Variants in ACTN1 observed in about 807,000 individuals in gnomAD.
ACTN1 encodes alpha-actinin-1.
ACTN1 carries 30 observed loss-of-function variants against 119.6 expected under a neutral mutation model. The ratio of observed to expected loss-of-function variants is 0.25; its 90% CI spans 0.19 to 0.34. The LOEUF (loss-of-function observed/expected upper bound fraction) is 0.34, where lower values mean the gene tolerates loss of function less well. ACTN1 is among the 10% of genes least tolerant of loss of function. The pLI is 1.00. For synonymous variants in ACTN1, 429 were observed against 472.6 expected, an observed-to-expected ratio of 0.91 and a Z score of 1.20; for missense variants, 764 against 1,223.4, an observed-to-expected ratio of 0.62 and a Z score of 5.60.
At chr14:68,892,029 C>T (rs2032527866) in intron 10 of ACTN1, 24 bp downstream of exon 10, 5 of 1,610,140 alleles carry the variant, frequency 3.1e-6, no homozygotes, top group Non-Finnish European at 3.4e-6. Flanking sequence ...AGTCTGGGGG[C>T]CCAGGCTCAC....
At chr14:68,926,465 C>T (rs537214603) in intron 1 of ACTN1, among the ~76,000 whole-genome samples, 2 of 152,194 alleles carry the variant, frequency 1.3e-5, no homozygotes, top group African/African-American at 2.4e-5. Flanking sequence ...AAGCATGCAT[C>T]GCAGTTTTAC....
intron 1 of ACTN1, among the ~76,000 whole-genome samples, chr14:68,968,096 G>A (rs1051463743): frequency 1.3e-5 from 2 of 152,332 alleles, no homozygotes; most frequent in African/African-American, 4.8e-5. Context: ...CAGGAAAAGA[G>A]GGCAGCAGGC....
rs567977536 is a variant in ACTN1 at position 68,976,468 on chromosome 14, T to C, written c.105+2484A>G. On this transcript the variant is annotated intron_variant, in intron 1 of 21. Transcript: ENST00000394419. The stretch of plus-strand genomic sequence containing the variant: ...TGAGAACTAGGCAGGCCAGAAATTC[T>C]GCAGACTGAGGCCCACGAAAGATAA... Among the ~76,000 whole-genome samples, 4 of 152,340 alleles carry C rather than the reference T, an allele frequency of 2.6e-5. No homozygotes were observed. In the East Asian group the frequency reaches 5.8e-4, roughly 22 times the overall value.
At chr14:68,915,444 A>AGG (rs2034238562) in intron 3 of ACTN1, among the ~76,000 whole-genome samples, 2 of 152,196 alleles carry the variant, frequency 1.3e-5, no homozygotes, top group African/African-American at 4.8e-5. Flanking sequence ...TCCATCTGAC[A>AGG]GGTGTACATG....
rs2031873370 is a variant in ACTN1, at chr14:68,885,003, T to G, written c.1386-120A>C. 1 of 772,684 alleles carries G rather than the reference T, an allele frequency of 1.3e-6. No individual in the cohort carries two copies. 47.9% of individuals were successfully genotyped at this position (772,684 alleles called of 1,614,324 possible). ...GCTGGGAAGAGCCAGGGGCGCTCCC[T>G]TCAAGAGACCTTCCAGGCACTCCTT... On this transcript the variant is annotated intron_variant, in intron 12 of 21. Coordinates refer to ENST00000394419, the MANE Select transcript of ACTN1 (RefSeq NM_001130004.2). This position sits in a 1 kb window ranked among gnomAD's most constrained non-coding sequence, Gnocchi z 5.6.
chr14:68,909,448 C>T lies in ACTN1; in HGVS notation c.516-52G>A, dbSNP rs17106536. On this transcript the variant is annotated intron_variant, in intron 5 of 21. Transcript: ENST00000394419. This position sits in a 1 kb window ranked among gnomAD's most constrained non-coding sequence, Gnocchi z 4.1. ...AGGCTGGTAAATGAGGCTGAACAAACGGGCAACCAGGGCAAAGCAGGGGCC... is the reference window on the plus strand; with the variant it reads ...AGGCTGGTAAATGAGGCTGAACAAATGGGCAACCAGGGCAAAGCAGGGGCC... 32,576 of 1,588,596 alleles carry T rather than the reference C, an allele frequency of 0.021. 504 individuals carry two copies. Among genetic ancestry groups the T allele is most frequent in the Middle Eastern group, 0.079 (476 of 6,014 alleles).
chr14:68,976,509 G>A (rs1379187990), intron 1 of ACTN1, among the ~76,000 whole-genome samples: 1 of 152,198 alleles, frequency 6.6e-6, no homozygotes. Flanking sequence ...AGAATTAACA[G>A]GAAACAAACA....
At chr14:68,914,960 G>C (rs1400044209) in intron 3 of ACTN1, among the ~76,000 whole-genome samples, 1 of 152,184 alleles carries the variant, frequency 6.6e-6, no homozygotes, top group African/African-American at 2.4e-5. Context: ...CAGTTGCTCA[G>C]CTTTTTGGCA....
chr14:68,977,107 C>T (rs1278568508), intron 1 of ACTN1, among the ~76,000 whole-genome samples: 1 of 152,218 alleles, frequency 6.6e-6, no homozygotes. Flanking sequence ...CCCTCCCAGG[C>T]ACAAAGCAGG....
chr14:68,961,096 TA>T (rs1192618643), intron 1 of ACTN1, among the ~76,000 whole-genome samples: 1 of 152,134 alleles, frequency 6.6e-6, no homozygotes, highest in Non-Finnish European at 1.5e-5. Flanking sequence ...AAAACCCTGT[TA>T]TACACGAGAC....
chr14:68,889,743 C>T (rs2032324575), intron 11 of ACTN1, among the ~76,000 whole-genome samples: 1 of 152,148 alleles, frequency 6.6e-6, no homozygotes, highest in Admixed American at 6.5e-5. Context: ...GAGATTTCAC[C>T]ATTGCATTCG....
Position 68,979,079 on chromosome 14 carries a change from C to T in ACTN1, c.-23G>A. ...CATGATGGTGCGCGCGTGCTAGGGTCTGGATTTCTTCCTCCACCTTCTCTC... is the reference window on the plus strand; with the variant it reads ...CATGATGGTGCGCGCGTGCTAGGGTTTGGATTTCTTCCTCCACCTTCTCTC... On this transcript the variant is annotated 5_prime_UTR_variant, in exon 1 of 22. Coordinates refer to ENST00000394419, the MANE Select transcript of ACTN1 (RefSeq NM_001130004.2). The T allele has an allele frequency of 6.9e-7, 1 of 1,454,626 alleles. No homozygotes were observed. Among genetic ancestry groups the T allele is most frequent in the Non-Finnish European group, 9.3e-7 (1 of 1,075,134 alleles). The allele number at this position is 1,454,626 out of a possible 1,614,324, so 90.1% of individuals were successfully genotyped here.
intron 16 of ACTN1, among the ~76,000 whole-genome samples, chr14:68,881,936 CTTTTT>C (rs781067137): frequency 0.02 from 1,169 of 58,394 alleles, 65 homozygotes; most frequent in African/African-American, 0.11. Context: ...TAGGCAGCTT[CTTTTT>C]TTTTTTTTTT....
In ACTN1 at chr14:68,878,446, G is replaced by C; in HGVS notation, c.2427+12C>G. On this transcript the variant is annotated intron_variant, in intron 20 of 21. Coordinates refer to ENST00000394419, the MANE Select transcript of ACTN1 (RefSeq NM_001130004.2). This position sits in a 1 kb window ranked among gnomAD's most constrained non-coding sequence, Gnocchi z 4.4. ...TCTCACCAGGGCAGACAGAGGGTGG[G>C]GTTTACGTTACCATGTTGTAACCCA... 1 of 1,542,844 alleles carries C rather than the reference G, an allele frequency of 6.5e-7. No homozygotes were observed. Among genetic ancestry groups the C allele is most frequent in the Non-Finnish European group, 8.7e-7 (1 of 1,143,078 alleles).
chr14:68,881,022 C>T, intron 16 of ACTN1, 33 bp from the exon 17 acceptor site: 1 of 1,609,550 alleles, frequency 6.2e-7, no homozygotes, highest in Non-Finnish European at 8.5e-7. Context: ...CTTGTCAGAC[C>T]ACCTCACTCT....
intron 1 of ACTN1, among the ~76,000 whole-genome samples, chr14:68,943,943 TG>T (rs2035847481): frequency 1.3e-5 from 2 of 152,066 alleles, no homozygotes; most frequent in South Asian, 2.1e-4. Flanking sequence ...TGGGGAATGA[TG>T]GGGACTCATC....
At position 68,878,776 on chromosome 14, in the gene ACTN1, A is replaced by C. The variant is rs1292475423; in HGVS notation, c.2361+213T>G. 2 of 1,561,758 alleles carry C rather than the reference A, an allele frequency of 1.3e-6. No homozygotes were observed. Among genetic ancestry groups the C allele is most frequent in the East Asian group, 4.8e-5 (2 of 42,084 alleles). On this transcript the variant is annotated intron_variant, in intron 19 of 21. Coordinates refer to ENST00000394419, the MANE Select transcript of ACTN1 (RefSeq NM_001130004.2). This position sits in a 1 kb window ranked among gnomAD's most constrained non-coding sequence, Gnocchi z 4.4. ...TGGGATGAAGAGCAGCGAGGACGGA[A>C]GACAGCGGGCACCCAGTAGGTTGCC...
intron 1 of ACTN1, among the ~76,000 whole-genome samples, chr14:68,970,165 A>G (rs1422749827): frequency 1.3e-5 from 2 of 152,020 alleles, no homozygotes; most frequent in African/African-American, 4.8e-5. Flanking sequence ...AACAGGAAAA[A>G]CAAGGTAACA....
intron 6 of ACTN1, among the ~76,000 whole-genome samples, chr14:68,907,624 CAG>C (rs2033746718): frequency 6.6e-6 from 1 of 152,112 alleles, no homozygotes; most frequent in Admixed American, 6.6e-5. Flanking sequence ...GACAGCAAAA[CAG>C]GGAGAAACTG....
Sources: gnomAD v4.1 joint callset for allele counts (sites outside exome capture counted in the v4.1 genomes callset) on GRCh38, gnomAD v4.1.1 for gene constraint, Gnocchi (gnomAD v3.1) non-coding constraint, MANE v1.5 for transcripts, NCBI Gene and HGNC (gene_info 2026-07-23, HGNC 2026-07-21) for gene names.